HIBADH: variants seen among roughly 807,000 people sequenced by gnomAD.
The protein encoded by HIBADH is 3-hydroxyisobutyrate dehydrogenase, mitochondrial.
In HIBADH, 25 loss-of-function variants were observed where a neutral mutation model predicts 36.1. The observed-to-expected ratio is 0.69, with a 90% CI of 0.50 to 0.97. The LOEUF is 0.97. Among genes scored for constraint, HIBADH ranks in the 50% least tolerant of loss-of-function variants. The pLI is 0.00. For synonymous variants in HIBADH, 160 were observed against 149.5 expected, an observed-to-expected ratio of 1.07 and a Z score of -0.51; for missense variants, 421 against 418.0, an observed-to-expected ratio of 1.01 and a Z score of -0.06.
chr7:27,548,751 G>T (rs1002232077), intron 4 of HIBADH, among the ~76,000 whole-genome samples: 1 of 152,114 alleles, frequency 6.6e-6, no homozygotes, highest in Non-Finnish European at 1.5e-5. Context: ...GAAAAGAGAT[G>T]TATAACCAGA....
At chr7:27,649,657 A>G (rs1562659212) in intron 1 of HIBADH, 24 bp from the exon 2 acceptor site, 1 of 1,510,978 alleles carries the variant, frequency 6.6e-7, no homozygotes, top group Admixed American at 2.1e-5. Flanking sequence ...ATTATTTTCA[A>G]TAGGGGCAAA....
At chr7:27,591,649 T>A (rs963700062) in intron 4 of HIBADH, among the ~76,000 whole-genome samples, 3 of 152,124 alleles carry the variant, frequency 2.0e-5, no homozygotes, top group Non-Finnish European at 4.4e-5. Flanking sequence ...CTTTCATTAT[T>A]TTATCTGCAA....
rs1554300959 is a variant in HIBADH at position 27,645,368 on chromosome 7, A to ATGTTTTTTTTTTTTTTTTTTTT, written c.252+4104_252+4105insAAAAAAAAAAAAAAAAAAAACA. 8.2e-4 allele frequency among the ~76,000 whole-genome samples: 49 copies of ATGTTTTTTTTTTTTTTTTTTTT among 59,648 alleles called. 14 individuals are homozygous for ATGTTTTTTTTTTTTTTTTTTTT. Among genetic ancestry groups the ATGTTTTTTTTTTTTTTTTTTTT allele is most frequent in the Admixed American group, 1.4e-3 (6 of 4,410 alleles). The allele number at this position is 59,648 out of a possible 152,430, so 39.1% of individuals were successfully genotyped here. A position where few individuals can be genotyped will look rare whatever the true frequency, so the allele number is the denominator to read the frequency against. On this transcript the variant is annotated intron_variant, in intron 2 of 7. Coordinates refer to ENST00000265395, the MANE Select transcript of HIBADH (RefSeq NM_152740.4). ...CTAGTGGGTGTGTCTCATGGTTTTG[A>ATGTTTTTTTTTTTTTTTTTTTT]TTTTTTTTTTTTTTTTTTTTTTTTT...
At chr7:27,585,331 C>A (rs537086447) in intron 4 of HIBADH, among the ~76,000 whole-genome samples, 31 of 152,184 alleles carry the variant, frequency 2.0e-4, no homozygotes, top group Non-Finnish European at 3.4e-4. Context: ...TACTACCAAA[C>A]TGTTCTCTGA....
intron 4 of HIBADH, among the ~76,000 whole-genome samples, chr7:27,592,858 T>A (rs545434554): frequency 1.3e-5 from 2 of 151,988 alleles, no homozygotes; most frequent in Admixed American, 6.6e-5. Context: ...ATTAGTAACA[T>A]GGTGAAAAAG....
intron 2 of HIBADH, among the ~76,000 whole-genome samples, chr7:27,635,093 T>TGTGTGTGTGG: frequency 6.7e-6 from 1 of 150,256 alleles, no homozygotes; most frequent in South Asian, 2.1e-4. Context: ...TGCATGTGTG[T>TGTGTGTGTGG]GTGTGTGTGT....
chr7:27,554,980 T>A (rs1298070038), intron 4 of HIBADH, among the ~76,000 whole-genome samples: 1 of 152,188 alleles, frequency 6.6e-6, no homozygotes, highest in African/African-American at 2.4e-5. Context: ...CAACCATTTC[T>A]GATGGTGCAT....
chr7:27,605,472 T>TTTTTA (rs1785203796), intron 4 of HIBADH, among the ~76,000 whole-genome samples: 1 of 135,598 alleles, frequency 7.4e-6, no homozygotes, highest in Non-Finnish European at 1.6e-5. Flanking sequence ...TTTTTTTTTT[T>TTTTTA]TTTACAAGAC....
intron 3 of HIBADH, among the ~76,000 whole-genome samples, chr7:27,631,475 A>T (rs531810117): frequency 6.6e-6 from 1 of 152,288 alleles, no homozygotes; most frequent in African/African-American, 2.4e-5. Flanking sequence ...TCTTGTGACT[A>T]CAGTGTCTAC....
intron 1 of HIBADH, 70 bp downstream of exon 1, chr7:27,662,628 T>C (rs1786447165): frequency 7.8e-6 from 8 of 1,019,832 alleles, no homozygotes; most frequent in Non-Finnish European, 9.0e-6. Flanking sequence ...AAAAGACTTC[T>C]TCGGCCGTCT....
At chr7:27,614,426 G>T (rs535540253) in intron 4 of HIBADH, among the ~76,000 whole-genome samples, 2 of 152,102 alleles carry the variant, frequency 1.3e-5, no homozygotes, top group Admixed American at 6.5e-5. Flanking sequence ...CCGCAAGAAG[G>T]CTCAAAATAT....
intron 4 of HIBADH, among the ~76,000 whole-genome samples, chr7:27,556,906 GGAGGATAGAA>G (rs1274940734): frequency 6.6e-6 from 1 of 152,168 alleles, no homozygotes; most frequent in African/African-American, 2.4e-5. Flanking sequence ...AGAGGATAAA[GGAGGATAGAA>G]GAGGATAGAG....
intron 5 of HIBADH, 72 bp from the exon 6 acceptor site, chr7:27,538,489 C>T: frequency 7.9e-7 from 1 of 1,263,588 alleles, no homozygotes; most frequent in Non-Finnish European, 1.1e-6. Context: ...TTTTCCTTGC[C>T]CAATTCCAGG....
chr7:27,650,479 T>G (rs1220084666), intron 1 of HIBADH, among the ~76,000 whole-genome samples: 2 of 147,592 alleles, frequency 1.4e-5, no homozygotes, highest in Admixed American at 6.8e-5. Context: ...TTTATTTATT[T>G]ATTTATTTAT....
intron 2 of HIBADH, among the ~76,000 whole-genome samples, chr7:27,639,429 G>C (rs957244382): frequency 1.3e-5 from 2 of 152,026 alleles, no homozygotes; most frequent in Non-Finnish European, 2.9e-5. Context: ...AGACACTTGA[G>C]ACTACCTGAG....
intron 4 of HIBADH, among the ~76,000 whole-genome samples, chr7:27,603,868 A>C (rs1420357806): frequency 6.6e-6 from 1 of 152,206 alleles, no homozygotes; most frequent in Non-Finnish European, 1.5e-5. Context: ...CTTCTATCTA[A>C]AAGAATCCAA....
chr7:27,650,987 C>T (rs1786181528), intron 1 of HIBADH, among the ~76,000 whole-genome samples: 1 of 152,058 alleles, frequency 6.6e-6, no homozygotes, highest in South Asian at 2.1e-4. Context: ...TTTAAAAGCT[C>T]ACAGTCTAGT....
At chr7:27,581,344 C>T (rs149146154) in intron 4 of HIBADH, among the ~76,000 whole-genome samples, 50 of 152,046 alleles carry the variant, frequency 3.3e-4, no homozygotes, top group African/African-American at 1.1e-3. Context: ...TAATCATGTA[C>T]GGTGGAATAT....
intron 4 of HIBADH, among the ~76,000 whole-genome samples, chr7:27,545,140 A>G (rs1784218350): frequency 6.6e-6 from 1 of 152,216 alleles, no homozygotes; most frequent in African/African-American, 2.4e-5. Flanking sequence ...GCCTAGTCCC[A>G]CAGCCAAAGA....
Sources: gnomAD v4.1 joint callset for allele counts (sites outside exome capture counted in the v4.1 genomes callset) on GRCh38, gnomAD v4.1.1 for gene constraint, MANE v1.5 for transcripts, NCBI Gene and HGNC (gene_info 2026-07-23, HGNC 2026-07-21) for gene names.